Variants in PCDH7 observed in about 807,000 individuals in gnomAD.
PCDH7 encodes the protein protocadherin-7.
In PCDH7, 17 loss-of-function variants were observed where a neutral mutation model predicts 58.9. That is an observed-to-expected ratio of 0.29 (90% CI 0.20 to 0.43). The LOEUF is 0.43. Ranked by LOEUF, PCDH7 falls within the 20% of genes least tolerant of loss-of-function variation. PCDH7 has a pLI of 1.00. For missense variants in PCDH7, 1,274 were observed against 1,441.0 expected, an observed-to-expected ratio of 0.88 and a Z score of 1.88; for synonymous variants, 664 against 616.4, an observed-to-expected ratio of 1.08 and a Z score of -1.14.
At chr4:31,059,784 T>C (rs1046233639) in intron 3 of PCDH7, among the ~76,000 whole-genome samples, 2 of 151,848 alleles carry the variant, frequency 1.3e-5, no homozygotes, top group Non-Finnish European at 3.0e-5. Context: ...TGTAATCTTA[T>C]CTCCATTGAT....
chr4:30,753,294 C>T (rs1280663387), intron 1 of PCDH7, among the ~76,000 whole-genome samples: 1 of 152,172 alleles, frequency 6.6e-6, no homozygotes, highest in East Asian at 1.9e-4. Context: ...ACCTTTACTA[C>T]TTTCTCTGTT....
chr4:30,886,086 C>A (rs1419070210), intron 1 of PCDH7, among the ~76,000 whole-genome samples: 5 of 151,528 alleles, frequency 3.3e-5, no homozygotes, highest in Non-Finnish European at 7.4e-5. Flanking sequence ...TCTAAAACAC[C>A]AAAAGCAATG....
chr4:30,968,790 C>T (rs1431619886), intron 3 of PCDH7, among the ~76,000 whole-genome samples: 1 of 152,072 alleles, frequency 6.6e-6, no homozygotes, highest in Non-Finnish European at 1.5e-5. Context: ...GCATAGGATG[C>T]TCTATAGTGG....
intron 2 of PCDH7, among the ~76,000 whole-genome samples, chr4:30,922,074 G>A (rs1319493343): frequency 6.6e-6 from 1 of 151,508 alleles, no homozygotes; most frequent in African/African-American, 2.4e-5. Flanking sequence ...CATGTATGTA[G>A]TCACATGTAC....
At chr4:31,099,017 A>T (rs1268968655) in intron 3 of PCDH7, among the ~76,000 whole-genome samples, 2 of 152,102 alleles carry the variant, frequency 1.3e-5, no homozygotes, top group Non-Finnish European at 2.9e-5. Context: ...CACCCTTAAG[A>T]TCTCATTTTA....
rs71963039 is a variant in PCDH7 at position 30,766,648 on chromosome 4, C to CAT, written c.70+42069_70+42070dup. Among the ~76,000 whole-genome samples, 889 of 148,978 alleles carry CAT rather than the reference C, an allele frequency of 6.0e-3. 3 individuals are homozygous for CAT. The highest frequency in any genetic ancestry group is 7.9e-3 in the African/African-American group (320 of 40,574). ...GTACTGTATTATATCAAATCTCAAA[C>CAT]ATATATATATATATATATGTTTATA... On this transcript the variant is annotated intron_variant, in intron 1 of 3. Transcript: ENST00000509759.
intron 1 of PCDH7, among the ~76,000 whole-genome samples, chr4:30,806,634 C>T (rs1230855101): frequency 3.3e-5 from 5 of 151,244 alleles, no homozygotes; most frequent in African/African-American, 9.7e-5. Context: ...CCTTTGCACT[C>T]GTTATTCTTC....
rs1035242491 is a variant in PCDH7, at chr4:30,961,421, G to A, written c.*7+11206G>A. Among the ~76,000 whole-genome samples, 4 of 151,730 alleles carry A rather than the reference G, an allele frequency of 2.6e-5. No homozygotes were observed. In the East Asian group the frequency reaches 5.9e-4, roughly 22 times the overall value. On this transcript the variant is annotated intron_variant, in intron 3 of 3. Transcript: ENST00000509759. The stretch of plus-strand genomic sequence containing the variant: ...AAAAAAATTTGCCAGGTGTGGTAGC[G>A]GGTGCCTGTAGTCCCACCTACTGGG...
intron 3 of PCDH7, among the ~76,000 whole-genome samples, chr4:31,111,031 T>A (rs1367578665): frequency 6.6e-6 from 1 of 152,020 alleles, no homozygotes; most frequent in Non-Finnish European, 1.5e-5. Flanking sequence ...TTAACAGAAT[T>A]CCATATTGAC....
intron 1 of PCDH7, chr4:30,725,353 G>GA (rs772443833): frequency 1.5e-5 from 14 of 905,214 alleles, no homozygotes; most frequent in Non-Finnish European, 1.9e-5. Context: ...GCCAAGTAAT[G>GA]AAAATATTCA....
intron 1 of PCDH7, among the ~76,000 whole-genome samples, chr4:30,796,419 G>A (rs1197260045): frequency 6.6e-6 from 1 of 152,054 alleles, no homozygotes; most frequent in African/African-American, 2.4e-5. Context: ...GTGGAAATAG[G>A]TGTTCTTTAA....
At chr4:30,776,656 G>GA (rs1560358285) in intron 1 of PCDH7, among the ~76,000 whole-genome samples, 3 of 152,138 alleles carry the variant, frequency 2.0e-5, no homozygotes, top group Non-Finnish European at 4.4e-5. Context: ...AATTATCATT[G>GA]AAAAAAATGT....
chr4:30,872,087 A>C (rs570084615), intron 1 of PCDH7, among the ~76,000 whole-genome samples: 1 of 152,248 alleles, frequency 6.6e-6, no homozygotes, highest in Admixed American at 6.5e-5. Flanking sequence ...TTAAGACTTC[A>C]ACATATCTTT....
At chr4:30,785,172 A>G (rs1723239545) in intron 1 of PCDH7, among the ~76,000 whole-genome samples, 1 of 152,078 alleles carries the variant, frequency 6.6e-6, no homozygotes, top group Admixed American at 6.6e-5. Context: ...GAATCATACC[A>G]TATATAAGAA....
chr4:30,961,622 C>T (rs144059092), intron 3 of PCDH7, among the ~76,000 whole-genome samples: 3 of 152,126 alleles, frequency 2.0e-5, no homozygotes, highest in Non-Finnish European at 4.4e-5. Context: ...CAAAACATAT[C>T]TAAATATATC....
At chr4:30,897,927 A>T (rs371767086) in intron 1 of PCDH7, among the ~76,000 whole-genome samples, 2 of 152,332 alleles carry the variant, frequency 1.3e-5, no homozygotes, top group African/African-American at 4.8e-5. Flanking sequence ...AGCTTGGTAT[A>T]ATCAGCTCTC....
intron 1 of PCDH7, among the ~76,000 whole-genome samples, chr4:30,859,692 G>T (rs150330242): frequency 6.6e-6 from 1 of 151,932 alleles, no homozygotes; most frequent in African/African-American, 2.4e-5. Context: ...CACCAGCCTC[G>T]ACCCCGCAAA....
chr4:31,056,604 A>C, intron 3 of PCDH7, among the ~76,000 whole-genome samples: 1 of 144,216 alleles, frequency 6.9e-6, no homozygotes, highest in East Asian at 2.0e-4. Context: ...GAAGGAAAGG[A>C]GAGAGAGAGA....
intron 1 of PCDH7, among the ~76,000 whole-genome samples, chr4:30,855,894 G>A (rs1297219222): frequency 1.3e-5 from 2 of 152,098 alleles, no homozygotes; most frequent in Admixed American, 6.6e-5. Flanking sequence ...CTGCCGGATG[G>A]CCATTGCCAT....
Sources: allele counts gnomAD v4.1 joint callset (sites outside exome capture counted in the v4.1 genomes callset), GRCh38; gene constraint gnomAD v4.1.1; transcripts MANE v1.5; gene names NCBI Gene and HGNC (gene_info 2026-07-23, HGNC 2026-07-21).